The following ZCWPW2 variants were observed in gnomAD, a reference collection of about 807,000 sequenced individuals.
The protein encoded by ZCWPW2 is zinc finger CW-type PWWP domain protein 2.
ZCWPW2 carries 45 observed loss-of-function variants against 46.6 expected under a neutral mutation model. That is an observed-to-expected ratio of 0.96 (90% CI 0.76 to 1.24). The LOEUF (loss-of-function observed/expected upper bound fraction) is 1.24, where lower values mean the gene tolerates loss of function less well. ZCWPW2 is among the 50% of genes most tolerant of loss of function. ZCWPW2 has a pLI of 0.00. For missense variants in ZCWPW2, 429 were observed against 403.9 expected (o/e 1.06, Z -0.53); for synonymous variants, 152 against 137.1 (o/e 1.11, Z -0.76).
chr3:28,518,564 A>C (rs558882143), intron 8 of ZCWPW2, among the ~76,000 whole-genome samples: 157 of 152,332 alleles, frequency 1.0e-3, no homozygotes, highest in African/African-American at 3.5e-3. Context: ...TTATGAAGTC[A>C]TCCATTACTT....
intron 3 of ZCWPW2, among the ~76,000 whole-genome samples, chr3:28,420,086 A>AAG (rs1410442254): frequency 6.6e-6 from 1 of 151,150 alleles, no homozygotes; most frequent in East Asian, 1.9e-4. Context: ...AAAAAAAAAA[A>AAG]CAGCTCCTGG....
chr3:28,375,053 C>T (rs1435722237), intron 1 of ZCWPW2, among the ~76,000 whole-genome samples: 2 of 151,792 alleles, frequency 1.3e-5, no homozygotes, highest in Non-Finnish European at 2.9e-5. Flanking sequence ...AATCCTCTTG[C>T]TGAATTCACG....
chr3:28,349,155 ACGGGG>A lies in ZCWPW2; in HGVS notation c.-175_-171del, dbSNP rs1704419598. The A allele has an allele frequency of 6.1e-6, 6 of 985,324 alleles. No individual in the cohort carries two copies. The highest frequency in any genetic ancestry group is 7.2e-6 in the Non-Finnish European group (6 of 830,100). The allele number at this position is 985,324 out of a possible 1,614,324, so 61.0% of individuals were successfully genotyped here. A position where few individuals can be genotyped will look rare whatever the true frequency, so the allele number is the denominator to read the frequency against. On this transcript the variant is annotated 5_prime_UTR_variant, in exon 1 of 10. It introduces an in-frame stop codon into an upstream open reading frame of the 5' UTR. Transcript: ENST00000383768. Reference sequence around the variant, plus strand: ...ATGTCCCGTGAGCCTCCGCGGCGGGACGGGGCGGGGCCGCGGGACGCCAGGAGGCG... The same window carrying A: ...ATGTCCCGTGAGCCTCCGCGGCGGGACGGGGCCGCGGGACGCCAGGAGGCG...
intron 4 of ZCWPW2, among the ~76,000 whole-genome samples, chr3:28,444,698 G>A (rs931603130): frequency 6.6e-6 from 1 of 152,098 alleles, no homozygotes; most frequent in Non-Finnish European, 1.5e-5. Context: ...TCTCACTTAG[G>A]GCAATCTTAG....
chr3:28,450,971 G>A (rs1208233835), intron 4 of ZCWPW2, among the ~76,000 whole-genome samples: 1 of 152,166 alleles, frequency 6.6e-6, no homozygotes, highest in African/African-American at 2.4e-5. Flanking sequence ...CTTATTGTAG[G>A]TAGGACCAGT....
chr3:28,431,565 T>C (rs980794304), intron 3 of ZCWPW2, among the ~76,000 whole-genome samples: 1 of 152,144 alleles, frequency 6.6e-6, no homozygotes, highest in Non-Finnish European at 1.5e-5. Context: ...CGTCACTACC[T>C]TTTTTAAGGC....
chr3:28,467,542 C>G (rs867529885), intron 4 of ZCWPW2, among the ~76,000 whole-genome samples: 5 of 152,040 alleles, frequency 3.3e-5, no homozygotes, highest in Admixed American at 6.6e-5. Context: ...TGGGTGAGAC[C>G]CAGTACTGTG....
chr3:28,452,535 C>T, intron 4 of ZCWPW2, among the ~76,000 whole-genome samples: 1 of 152,118 alleles, frequency 6.6e-6, no homozygotes, highest in Non-Finnish European at 1.5e-5. Flanking sequence ...ACCTTGTGAT[C>T]CACCCACCTC....
chr3:28,379,682 A>G (rs1230599969), intron 1 of ZCWPW2, among the ~76,000 whole-genome samples: 3 of 152,222 alleles, frequency 2.0e-5, no homozygotes, highest in Admixed American at 6.5e-5. Context: ...CTTAGGACAT[A>G]CAAGGAAATG....
chr3:28,408,252 A>G (rs993572361), intron 2 of ZCWPW2, among the ~76,000 whole-genome samples: 1 of 152,150 alleles, frequency 6.6e-6, no homozygotes, highest in African/African-American at 2.4e-5. Context: ...TCCCCTTAAC[A>G]TTTTATAATA....
In ZCWPW2 at chr3:28,489,664, G is replaced by A. The variant is rs867323676; in HGVS notation, c.611-2463G>A. 6.1e-3 allele frequency among the ~76,000 whole-genome samples: 355 copies of A among 58,072 alleles called. 1 individual carries two copies. The highest frequency in any genetic ancestry group is 0.02 in the African/African-American group (334 of 16,710). The allele number at this position is 58,072 out of a possible 152,430, so 38.1% of individuals were successfully genotyped here. A position where few individuals can be genotyped will look rare whatever the true frequency, so the allele number is the denominator to read the frequency against. ...CTTTCTCTCTCTTTCACACACACACGCGCGCACACACACACACACACACAC... is the reference window on the plus strand; with the variant it reads ...CTTTCTCTCTCTTTCACACACACACACGCGCACACACACACACACACACAC... On this transcript the variant is annotated intron_variant, in intron 5 of 9. Coordinates refer to ENST00000383768, the MANE Select transcript of ZCWPW2 (RefSeq NM_001040432.4).
intron 6 of ZCWPW2, among the ~76,000 whole-genome samples, chr3:28,495,744 A>G (rs1213662699): frequency 6.6e-6 from 1 of 152,048 alleles, no homozygotes; most frequent in African/African-American, 2.4e-5. Context: ...GATCTCAGAT[A>G]GACTGGGGAA....
intron 1 of ZCWPW2, among the ~76,000 whole-genome samples, chr3:28,352,126 G>GCACACACACACACA (rs111383620): frequency 1.8e-4 from 23 of 129,698 alleles, no homozygotes; most frequent in African/African-American, 4.6e-4. Flanking sequence ...TCAGATGTAT[G>GCACACACACACACA]CACACACACA....
At chr3:28,412,418 T>G (rs1236269518) in intron 2 of ZCWPW2, among the ~76,000 whole-genome samples, 1 of 152,060 alleles carries the variant, frequency 6.6e-6, no homozygotes, top group Non-Finnish European at 1.5e-5. Context: ...AATATTTTGC[T>G]GCATTTGATT....
rs889704840 is a variant in ZCWPW2, at chr3:28,526,018, A to G, written c.*1330A>G. 4.6e-5 allele frequency among the ~76,000 whole-genome samples: 7 copies of G among 152,156 alleles called. No individual in the cohort carries two copies. Among genetic ancestry groups the G allele is most frequent in the African/African-American group, 1.4e-4 (6 of 41,454 alleles). ...GATCCCATGCCATTGATTATCATCT[A>G]TAATGTCTTGATGAAGCTTTTAACT... On this transcript the variant is annotated 3_prime_UTR_variant, in exon 10 of 10. Coordinates refer to ENST00000383768, the MANE Select transcript of ZCWPW2 (RefSeq NM_001040432.4).
intron 6 of ZCWPW2, chr3:28,510,925 G>A (rs1422926613): frequency 2.7e-6 from 1 of 373,796 alleles, no homozygotes; most frequent in Non-Finnish European, 5.3e-6. Flanking sequence ...GAAACAATTA[G>A]AACAGAATCT....
intron 4 of ZCWPW2, among the ~76,000 whole-genome samples, chr3:28,465,502 C>T (rs1347379378): frequency 6.6e-6 from 1 of 152,134 alleles, no homozygotes; most frequent in African/African-American, 2.4e-5. Flanking sequence ...ATTACTTCAA[C>T]ATCTCACGAA....
intron 4 of ZCWPW2, among the ~76,000 whole-genome samples, chr3:28,463,876 GGGAA>G (rs928703655): frequency 1.3e-4 from 19 of 150,478 alleles, no homozygotes; most frequent in African/African-American, 2.2e-4. Flanking sequence ...GAGGAAAGGA[GGGAA>G]GGAAGGAAGG....
chr3:28,521,216 T>C, intron 9 of ZCWPW2, 100 bp downstream of exon 9: 1 of 1,323,300 alleles, frequency 7.6e-7, no homozygotes, highest in Non-Finnish European at 1.0e-6. Flanking sequence ...AAAAAACTCT[T>C]TTCATGTCTG....
Sources: allele counts gnomAD v4.1 joint callset (sites outside exome capture counted in the v4.1 genomes callset), GRCh38; gene constraint gnomAD v4.1.1; transcripts MANE v1.5; gene names NCBI Gene and HGNC (gene_info 2026-07-23, HGNC 2026-07-21).